Variants in GARS1 observed in about 807,000 individuals in gnomAD.
GARS1 encodes glycyl-tRNA synthetase 1.
A neutral mutation model predicts 86.4 loss-of-function variants in GARS1; 46 were observed. The ratio of observed to expected loss-of-function variants is 0.53; its 90% CI spans 0.42 to 0.68. GARS1 has a LOEUF of 0.68. GARS1 is among the 30% of genes least tolerant of loss of function. The pLI is 0.00. For synonymous variants in GARS1, 342 were observed against 329.8 expected (o/e 1.04, Z -0.40); for missense variants, 797 against 915.6 (o/e 0.87, Z 1.67).
intron 14 of GARS1, among the ~76,000 whole-genome samples, chr7:30,630,271 A>G (rs1056046122): frequency 4.6e-5 from 7 of 152,244 alleles, no homozygotes; most frequent in Admixed American, 2.0e-4. Context: ...GTGAGCAGCC[A>G]TATTGGTGGA....
intron 10 of GARS1, among the ~76,000 whole-genome samples, chr7:30,619,976 C>T (rs1040979015): frequency 2.0e-5 from 3 of 151,784 alleles, no homozygotes; most frequent in African/African-American, 7.3e-5. Context: ...AGGATTTCTC[C>T]GTGTTAGCCA....
At chr7:30,602,694 C>G (rs532853948) in intron 4 of GARS1, among the ~76,000 whole-genome samples, 2 of 152,194 alleles carry the variant, frequency 1.3e-5, no homozygotes, top group Admixed American at 6.5e-5. Flanking sequence ...TGATTTTGGC[C>G]TTTGCTTAGA....
In GARS1 at chr7:30,598,837, A is replaced by G. The variant is rs776884508; in HGVS notation, c.264A>G (p.Gln88=). 12 of 1,614,216 alleles carry G rather than the reference A, an allele frequency of 7.4e-6. No homozygotes were observed. Among genetic ancestry groups the G allele is most frequent in the Non-Finnish European group, 7.6e-6 (9 of 1,180,030 alleles). ...AACTCAAAGAAGATAAAGCACCCCAAGTAGACGTAGACAAAGCAGTGGCTG... is the reference window on the plus strand; with the variant it reads ...AACTCAAAGAAGATAAAGCACCCCAGGTAGACGTAGACAAAGCAGTGGCTG... The part of the protein sequence containing the change: ...VRKLKEDKAP[Q]VDVDKAVAEL... The change falls in exon 2 of 17, where the codon CAA becomes CAG. Residue 88 remains glutamine (Q), a synonymous_variant. Coordinates refer to ENST00000389266, the MANE Select transcript of GARS1 (RefSeq NM_002047.4).
intron 2 of GARS1, 120 bp from the exon 3 acceptor site, chr7:30,599,827 T>A: frequency 1.5e-6 from 1 of 680,424 alleles, no homozygotes; most frequent in Middle Eastern, 2.5e-4. Flanking sequence ...CCTATCAAAA[T>A]CTTGTCTGTT....
Position 30,603,577 on chromosome 7 carries a change from G to A in GARS1, c.735+5G>A, listed in dbSNP as rs1562773051. 1 of 1,606,448 alleles carries A rather than the reference G, an allele frequency of 6.2e-7. No homozygotes were observed. The highest frequency in any genetic ancestry group is 8.5e-7 in the Non-Finnish European group (1 of 1,173,542). On this transcript the variant is annotated splice_donor_5th_base_variant and intron_variant, in intron 6 of 16. Transcript: ENST00000389266. ...ATGGAAAGTGTTTTGGCCCAGGTGA[G>A]TACTCTAGAGATGTTATCAGAGTAA...
chr7:30,619,327 G>A (rs551065886), intron 10 of GARS1, among the ~76,000 whole-genome samples: 2 of 152,282 alleles, frequency 1.3e-5, no homozygotes, highest in African/African-American at 4.8e-5. Flanking sequence ...GAGTCCCAGA[G>A]GCTCTTAAGG....
At position 30,632,124 on chromosome 7, in the gene GARS1, A is replaced by T; in HGVS notation, c.1904-123A>T. 1 of 909,532 alleles carries T rather than the reference A, an allele frequency of 1.1e-6. No homozygotes were observed. Among genetic ancestry groups the T allele is most frequent in the Non-Finnish European group, 1.7e-6 (1 of 571,570 alleles). The allele number at this position is 909,532 out of a possible 1,614,324, so 56.3% of individuals were successfully genotyped here. ...GGGATATTTCTTTCTCTTGCAACTC[A>T]ACTTGTTGCTTTCTTGTCTTGGTCC... On this transcript the variant is annotated intron_variant, in intron 15 of 16. Transcript: ENST00000389266. The surrounding 1 kb of genome is among the most constrained non-coding windows in gnomAD (Gnocchi z 4.1).
Position 30,601,207 on chromosome 7 carries a change from TCTTA to T in GARS1, c.569+11_569+14del. 6.2e-7 allele frequency: 1 copy of T among 1,613,344 alleles called. No homozygotes were observed. The highest frequency in any genetic ancestry group is 1.1e-5 in the South Asian group (1 of 91,044). ...CCCCTGAGCCAGTTTTAAAGTGAGA[TCTTA>T]CTTTGGAGTGGGGGTATCCTACTTT... On this transcript the variant is annotated splice_region_variant and intron_variant, in intron 4 of 16. Transcript: ENST00000389266.
intron 1 of GARS1, among the ~76,000 whole-genome samples, chr7:30,598,399 T>C (rs1281221136): frequency 6.9e-6 from 1 of 145,296 alleles, no homozygotes; most frequent in Non-Finnish European, 1.5e-5. Context: ...TTTTTTTTTT[T>C]TCATTTTGAG....
chr7:30,596,291 T>G (rs1791244708), intron 1 of GARS1, among the ~76,000 whole-genome samples: 1 of 152,238 alleles, frequency 6.6e-6, no homozygotes, highest in South Asian at 2.1e-4. Flanking sequence ...ATAAATAGCC[T>G]TTCATTTTGA....
intron 13 of GARS1, chr7:30,627,186 A>G (rs1783145594): frequency 2.5e-6 from 1 of 401,916 alleles, no homozygotes; most frequent in Non-Finnish European, 5.1e-6. Flanking sequence ...CTGCCAGTGG[A>G]AAGAGTGAGC....
intron 1 of GARS1, among the ~76,000 whole-genome samples, chr7:30,597,399 A>G (rs1424147894): frequency 6.6e-6 from 1 of 152,248 alleles, no homozygotes; most frequent in Non-Finnish European, 1.5e-5. Flanking sequence ...TTGAGGTAGT[A>G]TCAAAGAATA....
At chr7:30,631,664 G>A in intron 15 of GARS1, 123 bp downstream of exon 15, 1 of 730,802 alleles carries the variant, frequency 1.4e-6, no homozygotes, top group South Asian at 1.5e-5. Context: ...ATTTTATAAA[G>A]AGTACATGAT....
chr7:30,624,541 G>A (rs1335379837), intron 12 of GARS1, among the ~76,000 whole-genome samples: 2 of 152,048 alleles, frequency 1.3e-5, no homozygotes, highest in African/African-American at 4.8e-5. Context: ...ATGTGAAATG[G>A]TGTAATATTA....
intron 3 of GARS1, among the ~76,000 whole-genome samples, chr7:30,600,410 C>CA (rs1197631785): frequency 9.2e-5 from 14 of 152,284 alleles, no homozygotes; most frequent in African/African-American, 3.1e-4. Context: ...CACACAGGGG[C>CA]AGTGATAAAA....
intron 12 of GARS1, among the ~76,000 whole-genome samples, chr7:30,623,453 C>T (rs958111609): frequency 7.9e-5 from 12 of 151,860 alleles, no homozygotes; most frequent in Admixed American, 7.2e-4. Context: ...CATTTAGAGG[C>T]AATATCTCAA....
Position 30,634,003 on chromosome 7 carries a change from C to A in GARS1, c.*143C>A. ...TTCAGTGGCTGCCTGATTTTACCCC[C>A]ACAATTAAAGTTGAAGGAATCCTGA... On this transcript the variant is annotated 3_prime_UTR_variant, in exon 17 of 17. Coordinates refer to ENST00000389266, the MANE Select transcript of GARS1 (RefSeq NM_002047.4). The A allele has an allele frequency of 9.9e-7, 1 of 1,007,194 alleles. No individual in the cohort carries two copies. Among genetic ancestry groups the A allele is most frequent in the Non-Finnish European group, 1.4e-6 (1 of 689,822 alleles). 62.4% of individuals were successfully genotyped at this position (1,007,194 alleles called of 1,614,324 possible). A position where few individuals can be genotyped will look rare whatever the true frequency, so the allele number is the denominator to read the frequency against.
intron 11 of GARS1, among the ~76,000 whole-genome samples, chr7:30,621,851 T>C (rs1453611181): frequency 6.6e-6 from 1 of 152,230 alleles, no homozygotes; most frequent in African/African-American, 2.4e-5. Flanking sequence ...TGAAAGCTTT[T>C]TCCATTAAAA....
intron 6 of GARS1, among the ~76,000 whole-genome samples, chr7:30,606,873 A>G (rs1175390523): frequency 6.6e-6 from 1 of 152,218 alleles, no homozygotes; most frequent in Non-Finnish European, 1.5e-5. Flanking sequence ...GATACTTAAT[A>G]GTTAACTTAA....
Sources: gnomAD v4.1 joint callset for allele counts (sites outside exome capture counted in the v4.1 genomes callset) on GRCh38, gnomAD v4.1.1 for gene constraint, Gnocchi (gnomAD v3.1) non-coding constraint, MANE v1.5 for transcripts, NCBI Gene and HGNC (gene_info 2026-07-23, HGNC 2026-07-21) for gene names.